The following LRMDA variants were observed in gnomAD, a reference collection of about 807,000 sequenced individuals.
The protein encoded by LRMDA is leucine-rich melanocyte differentiation-associated protein.
In LRMDA, 18 loss-of-function variants were observed where a neutral mutation model predicts 29.8. That is an observed-to-expected ratio of 0.60 (90% CI 0.42 to 0.90). The LOEUF (loss-of-function observed/expected upper bound fraction) is 0.90, where lower values mean the gene tolerates loss of function less well. Ranked by LOEUF, LRMDA falls within the 40% of genes least tolerant of loss-of-function variation. LRMDA has a pLI of 0.00. For missense variants in LRMDA, 273 were observed against 273.9 expected, an observed-to-expected ratio of 1.00 and a Z score of 0.02; for synonymous variants, 125 against 109.4, an observed-to-expected ratio of 1.14 and a Z score of -0.89.
chr10:75,782,825 G>A (rs545677571), intron 2 of LRMDA: 18 of 1,465,432 alleles, frequency 1.2e-5, no homozygotes, highest in South Asian at 8.3e-5. Flanking sequence ...TTTAGCCAGC[G>A]CCGGCGTGCA....
At chr10:76,114,779 A>G (rs1442785053) in intron 5 of LRMDA, among the ~76,000 whole-genome samples, 3 of 152,186 alleles carry the variant, frequency 2.0e-5, no homozygotes, top group African/African-American at 4.8e-5. Context: ...TTTGTTTCCC[A>G]TAATCGTAAG....
At chr10:76,484,904 T>C (rs1193669280) in intron 6 of LRMDA, among the ~76,000 whole-genome samples, 3 of 151,924 alleles carry the variant, frequency 2.0e-5, no homozygotes, top group Non-Finnish European at 4.4e-5. Flanking sequence ...TGTCCCTCTT[T>C]ATCTCCGATA....
chr10:76,214,747 A>G (rs1347669110), intron 5 of LRMDA, among the ~76,000 whole-genome samples: 2 of 152,250 alleles, frequency 1.3e-5, no homozygotes, highest in Non-Finnish European at 2.9e-5. Flanking sequence ...AACAAGCCTT[A>G]TATCCTCATC....
rs1844995191 is a variant in LRMDA, at chr10:75,864,886, T to G, written c.132-171122T>G. 2.0e-5 allele frequency among the ~76,000 whole-genome samples: 3 copies of G among 152,330 alleles called. No individual in the cohort carries two copies. The South Asian group carries it at 6.2e-4, about 32-fold the overall frequency. Reference sequence around the variant, plus strand: ...GAATTATGTACAGCTTGCCATTATATCATACCTCCTTGTGGTAGGTGAGTG... The same window carrying G: ...GAATTATGTACAGCTTGCCATTATAGCATACCTCCTTGTGGTAGGTGAGTG... On this transcript the variant is annotated intron_variant, in intron 2 of 6. Coordinates refer to ENST00000611255, the MANE Select transcript of LRMDA (RefSeq NM_001305581.2).
intron 2 of LRMDA, among the ~76,000 whole-genome samples, chr10:75,781,448 A>G (rs917804536): frequency 6.6e-6 from 1 of 152,372 alleles, no homozygotes; most frequent in Non-Finnish European, 1.5e-5. Context: ...TGAGAAATAT[A>G]GATGGGAGAA....
At chr10:75,847,209 A>G (rs1287560369) in intron 2 of LRMDA, among the ~76,000 whole-genome samples, 1 of 152,214 alleles carries the variant, frequency 6.6e-6, no homozygotes, top group Non-Finnish European at 1.5e-5. Flanking sequence ...CATTGTGTGT[A>G]TGGTCAAATG....
At chr10:75,465,616 G>A (rs148329469) in intron 2 of LRMDA, among the ~76,000 whole-genome samples, 23 of 152,310 alleles carry the variant, frequency 1.5e-4, no homozygotes, top group African/African-American at 5.5e-4. Context: ...ACTAAATTTA[G>A]GCGAATGCAG....
intron 3 of LRMDA, among the ~76,000 whole-genome samples, chr10:76,041,823 AC>A (rs1848345548): frequency 6.6e-6 from 1 of 152,180 alleles, no homozygotes. Context: ...AACGCTAAGT[AC>A]CCCGGAGAAG....
intron 5 of LRMDA, among the ~76,000 whole-genome samples, chr10:76,319,702 G>A (rs1840744865): frequency 6.6e-6 from 1 of 152,136 alleles, no homozygotes; most frequent in Non-Finnish European, 1.5e-5. Flanking sequence ...TTATACCATG[G>A]TTTCAGGGGA....
At chr10:75,569,153 TTCTC>T (rs1400234167) in intron 2 of LRMDA, among the ~76,000 whole-genome samples, 1 of 152,236 alleles carries the variant, frequency 6.6e-6, no homozygotes, top group Non-Finnish European at 1.5e-5. Context: ...TCTTTCTTTT[TTCTC>T]TCTTTCTCTG....
chr10:76,442,482 G>C (rs1842314082), intron 6 of LRMDA, among the ~76,000 whole-genome samples: 1 of 152,168 alleles, frequency 6.6e-6, no homozygotes, highest in Non-Finnish European at 1.5e-5. Flanking sequence ...CTTGAGCCCA[G>C]GAGTTCGAGA....
chr10:75,905,236 CT>C (rs200409197), intron 2 of LRMDA, among the ~76,000 whole-genome samples: 3,226 of 132,960 alleles, frequency 0.024, 44 homozygotes, highest in African/African-American at 0.036. Context: ...TCTCCTGCCT[CT>C]TTTTTTTTTT....
At chr10:75,813,120 A>T (rs1477878747) in intron 2 of LRMDA, among the ~76,000 whole-genome samples, 1 of 152,156 alleles carries the variant, frequency 6.6e-6, no homozygotes, top group Admixed American at 6.5e-5. Context: ...GGCAATGTGG[A>T]TCATGTTAGC....
At chr10:76,346,551 G>A (rs1841110900) in intron 6 of LRMDA, 1 of 152,150 alleles carries the variant, frequency 6.6e-6, no homozygotes, top group African/African-American at 2.4e-5. Flanking sequence ...GAAAAATATA[G>A]AGGTACGTGC....
intron 2 of LRMDA, among the ~76,000 whole-genome samples, chr10:75,875,172 C>T (rs954098040): frequency 1.3e-5 from 2 of 152,172 alleles, no homozygotes; most frequent in African/African-American, 4.8e-5. Context: ...TTACCCTAGC[C>T]AGGCAGTTAA....
At chr10:75,886,483 A>G (rs1293393842) in intron 2 of LRMDA, among the ~76,000 whole-genome samples, 1 of 152,156 alleles carries the variant, frequency 6.6e-6, no homozygotes, top group African/African-American at 2.4e-5. Context: ...TCATATTTTT[A>G]TTAAAATATT....
intron 2 of LRMDA, among the ~76,000 whole-genome samples, chr10:75,716,506 A>G (rs765564017): frequency 3.3e-5 from 5 of 152,200 alleles, no homozygotes; most frequent in Non-Finnish European, 5.9e-5. Context: ...ATCTGCTCAA[A>G]TGTTTCTTTG....
intron 6 of LRMDA, among the ~76,000 whole-genome samples, chr10:76,527,289 G>T (rs1421903995): frequency 6.6e-6 from 1 of 152,144 alleles, no homozygotes; most frequent in Non-Finnish European, 1.5e-5. Flanking sequence ...GCACTACCAT[G>T]TGCCAGCTTC....
At chr10:75,808,671 A>G (rs1207671982) in intron 2 of LRMDA, among the ~76,000 whole-genome samples, 1 of 151,820 alleles carries the variant, frequency 6.6e-6, no homozygotes, top group Non-Finnish European at 1.5e-5. Context: ...CACCATGCGC[A>G]GCTAATTTTT....
Sources: gnomAD v4.1 joint callset for allele counts (sites outside exome capture counted in the v4.1 genomes callset) on GRCh38, gnomAD v4.1.1 for gene constraint, MANE v1.5 for transcripts, NCBI Gene and HGNC (gene_info 2026-07-23, HGNC 2026-07-21) for gene names.